Variants in HGF observed in about 807,000 individuals in gnomAD.
HGF encodes the protein hepatocyte growth factor.
Under a neutral mutation model 111.6 loss-of-function variants are expected in HGF, and 39 were observed. The observed-to-expected ratio is 0.35, with a 90% CI of 0.27 to 0.46. HGF has a LOEUF of 0.46. Among genes scored for constraint, HGF ranks in the 20% least tolerant of loss-of-function variants. The pLI is 1.00. For synonymous variants in HGF, 285 were observed against 294.8 expected (o/e 0.97, Z 0.34); for missense variants, 735 against 910.5 (o/e 0.81, Z 2.48).
At position 81,702,258 on chromosome 7, in the gene HGF, A is replaced by G; in HGVS notation, c.*323T>C. 3.1e-6 allele frequency: 1 copy of G among 320,512 alleles called. No individual in the cohort carries two copies. Among genetic ancestry groups the G allele is most frequent in the Admixed American group, 4.6e-5 (1 of 21,934 alleles). The allele number at this position is 320,512 out of a possible 1,614,324, so 19.9% of individuals were successfully genotyped here. On this transcript the variant is annotated 3_prime_UTR_variant, in exon 18 of 18. Coordinates refer to ENST00000222390, the MANE Select transcript of HGF (RefSeq NM_000601.6). The stretch of plus-strand genomic sequence containing the variant: ...AGAAACCAACATCAGAAAGCAGCTT[A>G]GACAGATTAATTGATTTTTTTTCCC...
At position 81,701,065 on chromosome 7, in the gene HGF, CT is replaced by C. The variant is rs1789266727; in HGVS notation, c.*1515del. ...TTTCTGCAAAAATTCAAAGCCTATC[CT>C]ATTACTTTTTGTTATTCTATTTCTC... On this transcript the variant is annotated 3_prime_UTR_variant, in exon 18 of 18. Transcript: ENST00000222390. 6.6e-6 allele frequency: 1 copy of C among 151,494 alleles called. No individual in the cohort carries two copies. 9.4% of individuals were successfully genotyped at this position (151,494 alleles called of 1,614,324 possible).
At chr7:81,727,500 A>G (rs1790049269) in intron 8 of HGF, among the ~76,000 whole-genome samples, 1 of 152,192 alleles carries the variant, frequency 6.6e-6, no homozygotes, top group African/African-American at 2.4e-5. Context: ...TTAAGTGTTC[A>G]TAACCCATAT....
At chr7:81,753,437 A>G (rs1342661236) in intron 4 of HGF, among the ~76,000 whole-genome samples, 3 of 152,054 alleles carry the variant, frequency 2.0e-5, no homozygotes. Context: ...AAATGGCACT[A>G]AAATTAGAGT....
In HGF at chr7:81,759,630, G is replaced by A. The variant is rs190391115; in HGVS notation, c.255-826C>T. On this transcript the variant is annotated intron_variant, in intron 2 of 17. Coordinates refer to ENST00000222390, the MANE Select transcript of HGF (RefSeq NM_000601.6). The stretch of plus-strand genomic sequence containing the variant: ...CGCCATTCTCCTGCCTCAGCCTCCC[G>A]AGTAGCTGGGACTACAGGTGCCCAC... Among the ~76,000 whole-genome samples the A allele has an allele frequency of 5.9e-3, 894 of 151,904 alleles. 7 individuals are homozygous for A. Among genetic ancestry groups the A allele is most frequent in the African/African-American group, 0.02 (835 of 41,474 alleles).
chr7:81,735,119 C>G (rs17427817), intron 7 of HGF, among the ~76,000 whole-genome samples: 125,023 of 152,048 alleles, frequency 0.82, 51,873 homozygotes, highest in African/African-American at 0.93. Context: ...GACCAGGATC[C>G]AGCTCATTAT....
In HGF at chr7:81,744,990, A is replaced by C; in HGVS notation, c.746+10T>G. The C allele has an allele frequency of 6.2e-7, 1 of 1,613,666 alleles. No individual in the cohort carries two copies. ...AGAATCACTGAAAGCATGATTCATT[A>C]ATATTTTACCTTTCAGGCAAGAATT... On this transcript the variant is annotated intron_variant, in intron 6 of 17. Coordinates refer to ENST00000222390, the MANE Select transcript of HGF (RefSeq NM_000601.6).
At chr7:81,756,875 T>G in intron 4 of HGF, 1 of 404,616 alleles carries the variant, frequency 2.5e-6, no homozygotes, top group Non-Finnish European at 4.6e-6. Context: ...CCTCTCCCCC[T>G]GCACAGTGCC....
chr7:81,731,926 G>A (rs1333743092), intron 7 of HGF, among the ~76,000 whole-genome samples: 1 of 152,058 alleles, frequency 6.6e-6, no homozygotes, highest in African/African-American at 2.4e-5. Context: ...ACAATGGAAG[G>A]GAGTTCAGAG....
chr7:81,749,694 AG>A (rs1453362378), intron 5 of HGF, among the ~76,000 whole-genome samples: 1 of 152,040 alleles, frequency 6.6e-6, no homozygotes, highest in African/African-American at 2.4e-5. Context: ...TCTAACTGGA[AG>A]GTGATAAATG....
intron 17 of HGF, among the ~76,000 whole-genome samples, chr7:81,702,967 G>A (rs921091814): frequency 6.6e-6 from 1 of 151,678 alleles, no homozygotes; most frequent in East Asian, 1.9e-4. Context: ...AGTTTAAAGT[G>A]TTCTATTATG....
At chr7:81,763,884 A>T (rs1440528438) in intron 1 of HGF, among the ~76,000 whole-genome samples, 1 of 152,192 alleles carries the variant, frequency 6.6e-6, no homozygotes, top group Non-Finnish European at 1.5e-5. Flanking sequence ...AAAAAAATTA[A>T]TTGACCACTT....
intron 15 of HGF, 142 bp downstream of exon 15, chr7:81,706,145 G>T (rs569479475): frequency 3.2e-5 from 24 of 754,092 alleles, no homozygotes; most frequent in South Asian, 2.2e-4. Flanking sequence ...CCAAACGCAC[G>T]CATATATACA....
intron 7 of HGF, among the ~76,000 whole-genome samples, chr7:81,733,321 C>T (rs1366492445): frequency 6.6e-6 from 1 of 150,810 alleles, no homozygotes; most frequent in African/African-American, 2.4e-5. Flanking sequence ...AATATTTTAC[C>T]AAATAAATAT....
intron 6 of HGF, among the ~76,000 whole-genome samples, chr7:81,744,587 C>T (rs145523986): frequency 6.6e-6 from 1 of 152,192 alleles, no homozygotes; most frequent in Admixed American, 6.6e-5. Context: ...CCTCTAATCA[C>T]AGCTAAGACT....
At chr7:81,757,382 T>C in intron 3 of HGF, 79 bp from the exon 4 acceptor site, 1 of 752,272 alleles carries the variant, frequency 1.3e-6, no homozygotes, top group Non-Finnish European at 2.4e-6. Context: ...CGTTCAAACC[T>C]GTAAGTAATT....
At chr7:81,743,000 A>G (rs1319627719) in intron 7 of HGF, 1 of 1,537,590 alleles carries the variant, frequency 6.5e-7, no homozygotes, top group Admixed American at 1.7e-5. Context: ...TAAGGAACTA[A>G]GGTCCTAGCT....
chr7:81,728,617 G>C (rs1790081967), intron 8 of HGF, among the ~76,000 whole-genome samples: 1 of 152,140 alleles, frequency 6.6e-6, no homozygotes, highest in South Asian at 2.1e-4. Flanking sequence ...TGTCAATTTT[G>C]TTATTGTAAA....
intron 13 of HGF, among the ~76,000 whole-genome samples, chr7:81,708,650 C>A (rs1473095932): frequency 6.9e-6 from 1 of 144,010 alleles, no homozygotes; most frequent in Admixed American, 7.5e-5. Context: ...ACCACGTTGG[C>A]CAGGCTGCTC....
At chr7:81,725,529 T>C (rs1789982851) in intron 9 of HGF, among the ~76,000 whole-genome samples, 2 of 152,216 alleles carry the variant, frequency 1.3e-5, no homozygotes, top group Non-Finnish European at 2.9e-5. Context: ...CTTTTCTAAC[T>C]CTGCGACATT....
Sources: gnomAD v4.1 joint callset for allele counts (sites outside exome capture counted in the v4.1 genomes callset) on GRCh38, gnomAD v4.1.1 for gene constraint, MANE v1.5 for transcripts, NCBI Gene and HGNC (gene_info 2026-07-23, HGNC 2026-07-21) for gene names.